The following PCLO variants were observed in gnomAD, a reference collection of about 807,000 sequenced individuals.
PCLO encodes the protein piccolo presynaptic cytomatrix protein.
A neutral mutation model predicts 427.5 loss-of-function variants in PCLO; 82 were observed. That is an observed-to-expected ratio of 0.19 (90% CI 0.16 to 0.23). PCLO has a LOEUF of 0.23. PCLO is among the 10% of genes least tolerant of loss of function. The pLI is 1.00. For synonymous variants in PCLO, 2,357 were observed against 2,155.4 expected, an observed-to-expected ratio of 1.09 and a Z score of -2.59; for missense variants, 6,239 against 6,115.9, an observed-to-expected ratio of 1.02 and a Z score of -0.67.
At chr7:82,809,601 G>T (rs200429714) in intron 20 of PCLO, among the ~76,000 whole-genome samples, 7 of 149,214 alleles carry the variant, frequency 4.7e-5, no homozygotes, top group Non-Finnish European at 9.0e-5. Context: ...TAATGAATAA[G>T]TAATAATAAT....
At chr7:82,824,055 T>C (rs1791866112) in intron 19 of PCLO, among the ~76,000 whole-genome samples, 181 bp downstream of exon 19, 1 of 152,144 alleles carries the variant, frequency 6.6e-6, no homozygotes, top group South Asian at 2.1e-4. Context: ...TAAGTATGGG[T>C]GATGATCTGA....
chr7:83,056,371 G>A (rs1328182662), intron 3 of PCLO, among the ~76,000 whole-genome samples: 1 of 152,140 alleles, frequency 6.6e-6, no homozygotes. Flanking sequence ...CTTCTAAAAT[G>A]TTAGAGTTTA....
intron 15 of PCLO, among the ~76,000 whole-genome samples, 165 bp downstream of exon 15, chr7:82,838,053 T>A (rs1792272326): frequency 6.6e-6 from 1 of 151,984 alleles, no homozygotes; most frequent in Admixed American, 6.6e-5. Context: ...TACAAGTTTT[T>A]AATTCCACCT....
intron 3 of PCLO, among the ~76,000 whole-genome samples, chr7:83,076,146 C>CT (rs1789945871): frequency 8.0e-5 from 12 of 150,386 alleles, no homozygotes; most frequent in Admixed American, 8.0e-4. Flanking sequence ...AAACTCATAC[C>CT]TTTCGCAAGT....
chr7:82,934,452 G>C (rs1230854655), intron 6 of PCLO, among the ~76,000 whole-genome samples: 1 of 151,772 alleles, frequency 6.6e-6, no homozygotes, highest in African/African-American at 2.4e-5. Context: ...ACATAAATTT[G>C]ATTAAGTGGT....
Position 82,915,479 on chromosome 7 carries a change from G to T in PCLO, c.12507C>A (p.Leu4169=). 6.2e-7 allele frequency: 1 copy of T among 1,613,652 alleles called. No homozygotes were observed. The highest frequency in any genetic ancestry group is 8.5e-7 in the Non-Finnish European group (1 of 1,179,672). ...GTTTTGCTGCTTGTTTTTCAAGTGT[G>T]AGTCTACTGATGCTATACTTCTCAG... ...PKSEKYSISR[L]TLEKQAAKQL... Residue 4169 remains leucine, a synonymous_variant, in exon 7 of 25, where the codon CTC becomes CTA. Coordinates refer to ENST00000333891, the MANE Select transcript of PCLO (RefSeq NM_033026.6).
chr7:83,135,684 C>T (rs184982157), intron 2 of PCLO, 28 bp from the exon 3 acceptor site: 230 of 1,404,326 alleles, frequency 1.6e-4, no homozygotes, highest in Admixed American at 3.5e-4. Context: ...CAATGGTCAC[C>T]GAGACAATAC....
intron 22 of PCLO, among the ~76,000 whole-genome samples, chr7:82,767,008 G>A (rs1229337626): frequency 2.0e-5 from 3 of 152,088 alleles, no homozygotes; most frequent in Non-Finnish European, 4.4e-5. Context: ...TCTTATATCT[G>A]ACCTTTTATA....
intron 3 of PCLO, among the ~76,000 whole-genome samples, chr7:83,024,811 C>A (rs369130344): frequency 2.6e-5 from 4 of 151,940 alleles, no homozygotes; most frequent in Non-Finnish European, 2.9e-5. Context: ...GACCCCCGAG[C>A]AGCCTAACTG....
intron 3 of PCLO, among the ~76,000 whole-genome samples, chr7:83,085,925 C>T (rs922784888): frequency 1.3e-5 from 2 of 151,930 alleles, no homozygotes; most frequent in African/African-American, 2.4e-5. Context: ...GGTACTAATG[C>T]TATAATTAAT....
intron 22 of PCLO, among the ~76,000 whole-genome samples, chr7:82,780,913 C>T (rs1004889932): frequency 2.0e-5 from 3 of 152,026 alleles, no homozygotes; most frequent in African/African-American, 7.2e-5. Flanking sequence ...TGAGAGTACA[C>T]CATTTGATGC....
At chr7:83,109,541 G>A (rs953580981) in intron 3 of PCLO, among the ~76,000 whole-genome samples, 3 of 152,038 alleles carry the variant, frequency 2.0e-5, no homozygotes, top group Admixed American at 6.6e-5. Context: ...AAAATAAAAC[G>A]TATCAGCTCC....
intron 9 of PCLO, among the ~76,000 whole-genome samples, chr7:82,896,845 A>G: frequency 6.6e-6 from 1 of 151,680 alleles, no homozygotes; most frequent in Non-Finnish European, 1.5e-5. Context: ...TTCAAACTTA[A>G]CAACATTTTT....
rs754825072 is a variant in PCLO at position 83,155,881 on chromosome 7, T to C, written c.760A>G (p.Thr254Ala). Residue 254 changes from threonine to alanine, a missense_variant, in exon 2 of 25, where the codon ACA (threonine) becomes GCA (alanine). By Grantham distance (58) the Thr-to-Ala change is moderately conservative. This residue lies in a region of PCLO where 4,677 missense variants were observed against 4,468.4 expected (regional missense o/e 1.05). Coordinates refer to ENST00000333891, the MANE Select transcript of PCLO (RefSeq NM_033026.6). ...GTAGGACCCTGAATTGGCTTTCCTG[T>C]ACCTGGAGGTTGTGATTTAATTTTT... ...PEKIKSQPPG[T>A]GKPIQGPTQT... 2.7e-5 allele frequency: 43 copies of C among 1,613,850 alleles called. No individual in the cohort carries two copies. The highest frequency in any genetic ancestry group is 3.3e-5 in the Admixed American group (2 of 59,996).
rs1790063789 is a variant in PCLO, at chr7:83,080,244, G to A, written c.3300+54006C>T. Among the ~76,000 whole-genome samples, 3 of 152,014 alleles carry A rather than the reference G, an allele frequency of 2.0e-5. No homozygotes were observed. The South Asian group carries it at 6.2e-4, about 32-fold the overall frequency. ...TCCTTTGGGTATATATCCAGTAATG[G>A]GATTGCTGGGTCAAATGGAATTTCT... is the stretch of plus-strand genomic sequence containing the variant. On this transcript the variant is annotated intron_variant, in intron 3 of 24. Transcript: ENST00000333891.
chr7:82,998,327 G>C (rs1787683295), intron 3 of PCLO, among the ~76,000 whole-genome samples: 1 of 151,770 alleles, frequency 6.6e-6, no homozygotes, highest in Non-Finnish European at 1.5e-5. Context: ...AGGGGGAAAG[G>C]AAAAGGTGCC....
At position 82,952,506 on chromosome 7, in the gene PCLO, G is replaced by A; in HGVS notation, c.8447C>T (p.Ala2816Val). 6.2e-7 allele frequency: 1 copy of A among 1,613,886 alleles called. No homozygotes were observed. Among genetic ancestry groups the A allele is most frequent in the Non-Finnish European group, 8.5e-7 (1 of 1,179,830 alleles). ...GAGTGGTGTTGTCATTGCATGTTCT[G>A]CACCCACTAGGCTTTCTGTGCCTGT... ...YTTGTESLVG[A>V]EHAMTTPLQL... is the part of the protein sequence containing the mutation. Residue 2816 changes from alanine (A) to valine (V), a missense_variant, in exon 5 of 25, where the codon GCA (alanine) becomes GTA (valine). Ala to Val is a moderately conservative substitution (Grantham distance 64). Transcript: ENST00000333891.
Position 82,916,198 on chromosome 7 carries a change from C to G in PCLO, c.11788G>C (p.Ala3930Pro), listed in dbSNP as rs1794457728. The G allele has an allele frequency of 1.2e-6, 2 of 1,613,568 alleles. No individual in the cohort carries two copies. Among genetic ancestry groups the G allele is most frequent in the African/African-American group, 1.3e-5 (1 of 74,996 alleles). ...SPYQTQPTFQ[A>P]VATMSFTPQV... ...GGTGTGAAGGACATTGTTGCCACAGCTTGGAATGTTGGCTGAGTCTGATAA... is the reference window on the plus strand; with the variant it reads ...GGTGTGAAGGACATTGTTGCCACAGGTTGGAATGTTGGCTGAGTCTGATAA... Residue 3930 changes from alanine to proline, a missense_variant, in exon 7 of 25, where the codon GCT becomes CCT. Ala to Pro is a conservative substitution (Grantham distance 27). This residue lies in a region of PCLO where 680 missense variants were observed against 677.3 expected (regional missense o/e 1.00). Coordinates refer to ENST00000333891, the MANE Select transcript of PCLO (RefSeq NM_033026.6).
chr7:82,971,185 T>C (rs1795894287), intron 3 of PCLO, among the ~76,000 whole-genome samples: 1 of 151,892 alleles, frequency 6.6e-6, no homozygotes, highest in Admixed American at 6.6e-5. Flanking sequence ...TTAAACAAAA[T>C]TATTTCACTT....
Sources: gnomAD v4.1 joint callset for allele counts (sites outside exome capture counted in the v4.1 genomes callset) on GRCh38, gnomAD v4.1.1 for gene constraint, gnomAD v4.1.1 regional missense constraint, MANE v1.5 for transcripts, NCBI Gene and HGNC (gene_info 2026-07-23, HGNC 2026-07-21) for gene names.